ST18: variants seen among roughly 807,000 people sequenced by gnomAD.
The protein encoded by ST18 is ST18 C2H2C-type zinc finger transcription factor, also known as suppression of tumorigenicity 18 protein.
ST18 carries 50 observed loss-of-function variants against 110.0 expected under a neutral mutation model. The ratio of observed to expected loss-of-function variants is 0.45; its 90% confidence interval spans 0.36 to 0.58. The LOEUF is 0.58. ST18 is among the 20% of genes least tolerant of loss of function. ST18 has a pLI of 0.00. For synonymous variants in ST18, 461 were observed against 452.4 expected (o/e 1.02, Z -0.24); for missense variants, 1,306 against 1,280.1 (o/e 1.02, Z -0.31).
Position 52,357,719 on chromosome 8 carries a change from A to T in ST18, c.-465+51609T>A, listed in dbSNP as rs1258478954. Among the ~76,000 whole-genome samples the T allele has an allele frequency of 3.9e-3, 283 of 72,756 alleles. 3 individuals carry two copies. The highest frequency in any genetic ancestry group is 0.029 in the African/African-American group (261 of 8,860). The allele number at this position is 72,756 out of a possible 152,430, so 47.7% of individuals were successfully genotyped here. A position where few individuals can be genotyped will look rare whatever the true frequency, so the allele number is the denominator to read the frequency against. On this transcript the variant is annotated intron_variant, in intron 2 of 25. Coordinates refer to ENST00000689386, the MANE Select transcript of ST18 (RefSeq NM_001352837.2). ...TATATATATATATATATATATATAT[A>T]TATATATATATAAAACAGACTCAAA...
intron 2 of ST18, among the ~76,000 whole-genome samples, chr8:52,394,258 T>C (rs1840332119): frequency 6.6e-6 from 1 of 152,214 alleles, no homozygotes; most frequent in East Asian, 1.9e-4. Context: ...ATGTTTTTCT[T>C]TTGTGGGTGT....
At chr8:52,222,452 C>CGTG (rs2087203540) in intron 3 of ST18, among the ~76,000 whole-genome samples, 1 of 152,206 alleles carries the variant, frequency 6.6e-6, no homozygotes, top group Non-Finnish European at 1.5e-5. Context: ...CCCCATCTGC[C>CGTG]GTGGCTCCCC....
In ST18 at chr8:52,254,302, G is replaced by A. The variant is rs190498639; in HGVS notation, c.-464-24225C>T. The A allele has an allele frequency of 2.0e-3, 309 of 152,202 alleles. 3 individuals carry two copies. Among genetic ancestry groups the A allele is most frequent in the African/African-American group, 7.2e-3 (298 of 41,538 alleles). The allele number at this position is 152,202 out of a possible 1,614,324, so 9.4% of individuals were successfully genotyped here. On this transcript the variant is annotated intron_variant, in intron 2 of 25. Transcript: ENST00000689386. Reference sequence around the variant, plus strand: ...TTCTCTCCTCCCTGGTGGGCTGAACGGAAACACTAAAGCTGTTTCTTTGAA... The same window carrying A: ...TTCTCTCCTCCCTGGTGGGCTGAACAGAAACACTAAAGCTGTTTCTTTGAA...
At chr8:52,218,223 A>C (rs183259695) in intron 5 of ST18, among the ~76,000 whole-genome samples, 119 of 152,070 alleles carry the variant, frequency 7.8e-4, no homozygotes, top group Middle Eastern at 3.4e-3. Flanking sequence ...CTCTCTCTCT[A>C]TATATAATAT....
intron 3 of ST18, among the ~76,000 whole-genome samples, chr8:52,227,128 T>A (rs1031956141): frequency 2.0e-5 from 3 of 152,186 alleles, no homozygotes; most frequent in African/African-American, 7.2e-5. Flanking sequence ...GGGCACTGGA[T>A]TTTTGCAGAA....
intron 2 of ST18, among the ~76,000 whole-genome samples, chr8:52,367,148 C>T (rs1828309008): frequency 2.0e-5 from 3 of 151,638 alleles, no homozygotes; most frequent in Admixed American, 6.6e-5. Context: ...ACCAGAATCG[C>T]TTGAATCCGG....
intron 8 of ST18, among the ~76,000 whole-genome samples, chr8:52,190,575 C>T (rs1462576470): frequency 1.3e-5 from 2 of 152,166 alleles, no homozygotes; most frequent in Non-Finnish European, 2.9e-5. Context: ...GTTTTGCAGT[C>T]CCTGACATGG....
At chr8:52,390,217 G>A (rs1247269793) in intron 2 of ST18, among the ~76,000 whole-genome samples, 1 of 152,184 alleles carries the variant, frequency 6.6e-6, no homozygotes, top group Non-Finnish European at 1.5e-5. Context: ...CAGCTTCAGA[G>A]TGGCACACCT....
intron 2 of ST18, among the ~76,000 whole-genome samples, chr8:52,390,186 G>A (rs1486593007): frequency 6.6e-6 from 1 of 152,172 alleles, no homozygotes; most frequent in Non-Finnish European, 1.5e-5. Flanking sequence ...CTGATGTGGA[G>A]TCAATGTCTT....
At chr8:52,114,316 T>C (rs1003102468) in intron 25 of ST18, among the ~76,000 whole-genome samples, 1 of 152,064 alleles carries the variant, frequency 6.6e-6, no homozygotes, top group Non-Finnish European at 1.5e-5. Context: ...CCCAGTGTGA[T>C]GCTTCAAGGA....
At chr8:52,178,680 C>T (rs943117014) in intron 9 of ST18, among the ~76,000 whole-genome samples, 22 of 132,942 alleles carry the variant, frequency 1.7e-4, no homozygotes, top group Non-Finnish European at 2.8e-4. Flanking sequence ...AAAAAAAACC[C>T]ACCAAAACAA....
intron 2 of ST18, among the ~76,000 whole-genome samples, chr8:52,277,175 G>A (rs987526797): frequency 6.6e-6 from 1 of 152,222 alleles, no homozygotes; most frequent in Non-Finnish European, 1.5e-5. Context: ...AGAGGCCTCG[G>A]GAGCCGCAGG....
chr8:52,138,221 A>T (rs1408309478), intron 17 of ST18, among the ~76,000 whole-genome samples: 6 of 152,224 alleles, frequency 3.9e-5, no homozygotes, highest in Non-Finnish European at 1.5e-5. Flanking sequence ...GACATATTCC[A>T]GAAAGAAATT....
chr8:52,221,827 T>C (rs931598825), intron 3 of ST18, 34 bp from the exon 4 acceptor site: 2 of 151,968 alleles, frequency 1.3e-5, no homozygotes, highest in Non-Finnish European at 2.9e-5. Flanking sequence ...TCTCAAGTGA[T>C]AGAGCAGATT....
intron 2 of ST18, among the ~76,000 whole-genome samples, chr8:52,335,868 T>A (rs1811803938): frequency 6.6e-6 from 1 of 152,062 alleles, no homozygotes; most frequent in African/African-American, 2.4e-5. Context: ...GCACCTCCCT[T>A]CACCCTCCAA....
intron 3 of ST18, among the ~76,000 whole-genome samples, chr8:52,225,390 C>T (rs902257888): frequency 2.0e-5 from 3 of 152,172 alleles, no homozygotes; most frequent in Non-Finnish European, 4.4e-5. Context: ...ATAAGCTTAA[C>T]ACAATCTGCC....
intron 16 of ST18, among the ~76,000 whole-genome samples, chr8:52,143,533 G>T (rs900621716): frequency 1.3e-5 from 2 of 152,052 alleles, no homozygotes; most frequent in Non-Finnish European, 1.5e-5. Context: ...AATATGTCCT[G>T]GTTGTTACAG....
chr8:52,319,826 T>C (rs73679038), intron 2 of ST18, among the ~76,000 whole-genome samples: 3,766 of 152,122 alleles, frequency 0.025, 159 homozygotes, highest in African/African-American at 0.086. Context: ...CTTAGGAGAG[T>C]GCCTGCATGT....
intron 2 of ST18, among the ~76,000 whole-genome samples, chr8:52,314,988 T>C (rs1317532395): frequency 2.0e-5 from 3 of 152,190 alleles, no homozygotes; most frequent in African/African-American, 7.2e-5. Flanking sequence ...TGGCCCCCAC[T>C]GGAGATGGTG....
Sources: gnomAD v4.1 joint callset for allele counts (sites outside exome capture counted in the v4.1 genomes callset) on GRCh38, gnomAD v4.1.1 for gene constraint, MANE v1.5 for transcripts, NCBI Gene and HGNC (gene_info 2026-07-23, HGNC 2026-07-21) for gene names.